The following TACR1 variants were observed in gnomAD, a reference collection of about 807,000 sequenced individuals.
TACR1 encodes the protein tachykinin receptor 1, also known as substance-P receptor.
Under a neutral mutation model 35.8 loss-of-function variants are expected in TACR1, and 25 were observed. The observed-to-expected ratio is 0.70, with a 90% confidence interval of 0.51 to 0.98. TACR1 has a LOEUF of 0.98. Among genes scored for constraint, TACR1 ranks in the 50% least tolerant of loss-of-function variants. The pLI, the probability that TACR1 is intolerant of heterozygous loss-of-function variation, is 0.00. For synonymous variants in TACR1, 195 were observed against 206.7 expected, an observed-to-expected ratio of 0.94 and a Z score of 0.48; for missense variants, 478 against 522.9, an observed-to-expected ratio of 0.91 and a Z score of 0.84.
At chr2:75,161,672 A>C (rs1239719941) in intron 1 of TACR1, among the ~76,000 whole-genome samples, 2 of 152,132 alleles carry the variant, frequency 1.3e-5, no homozygotes, top group Admixed American at 1.3e-4. Flanking sequence ...AGAACAACAA[A>C]TCACCTAAAA....
chr2:75,153,582 G>A (rs1263327102), intron 1 of TACR1, among the ~76,000 whole-genome samples: 1 of 152,100 alleles, frequency 6.6e-6, no homozygotes, highest in Non-Finnish European at 1.5e-5. Flanking sequence ...TTGTTTATAG[G>A]ATCAGGAAAA....
chr2:75,133,324 T>C (rs1377882683), intron 1 of TACR1, among the ~76,000 whole-genome samples: 1 of 152,226 alleles, frequency 6.6e-6, no homozygotes, highest in African/African-American at 2.4e-5. Flanking sequence ...GCTGCTGTCT[T>C]ATTTTTCATT....
Position 75,049,109 on chromosome 2 carries a change from G to A in TACR1, c.*323C>T, listed in dbSNP as rs777189627. ...GCAGCTGTGCTGCAGAATTCATCCT[G>A]AAATGAGCACTCGCATGCAGCCAAA... On this transcript the variant is annotated 3_prime_UTR_variant, in exon 5 of 5. Transcript: ENST00000305249. The A allele has an allele frequency of 2.4e-5, 7 of 293,034 alleles. No homozygotes were observed. Among genetic ancestry groups the A allele is most frequent in the Non-Finnish European group, 3.8e-5 (6 of 157,516 alleles). The allele number at this position is 293,034 out of a possible 1,614,324, so 18.2% of individuals were successfully genotyped here. A position where few individuals can be genotyped will look rare whatever the true frequency, so the allele number is the denominator to read the frequency against.
intron 2 of TACR1, among the ~76,000 whole-genome samples, chr2:75,120,011 C>T (rs1192116342): frequency 1.3e-5 from 2 of 152,196 alleles, no homozygotes; most frequent in Non-Finnish European, 1.5e-5. Flanking sequence ...CAGAGACACA[C>T]TCCCCTGAGG....
chr2:75,132,275 T>A (rs1014617668), intron 1 of TACR1, among the ~76,000 whole-genome samples: 1 of 152,216 alleles, frequency 6.6e-6, no homozygotes, highest in African/African-American at 2.4e-5. Context: ...AACTTAGTTT[T>A]GTCTTCTTAG....
chr2:75,123,574 T>C (rs1219032898), intron 1 of TACR1, among the ~76,000 whole-genome samples: 1 of 152,206 alleles, frequency 6.6e-6, no homozygotes, highest in Non-Finnish European at 1.5e-5. Flanking sequence ...GGAGCCATTT[T>C]AGTGGCAGAT....
intron 1 of TACR1, among the ~76,000 whole-genome samples, chr2:75,136,608 C>G (rs1231981768): frequency 6.6e-6 from 1 of 152,166 alleles, no homozygotes; most frequent in Non-Finnish European, 1.5e-5. Context: ...TGATTCCTGC[C>G]TCATCTTACA....
intron 1 of TACR1, among the ~76,000 whole-genome samples, chr2:75,141,007 A>G (rs1674390638): frequency 6.6e-6 from 1 of 152,260 alleles, no homozygotes; most frequent in Non-Finnish European, 1.5e-5. Flanking sequence ...TCTCATTAAC[A>G]TGGTTACAAA....
intron 1 of TACR1, among the ~76,000 whole-genome samples, chr2:75,134,066 G>A (rs745598436): frequency 2.0e-5 from 3 of 152,080 alleles, no homozygotes; most frequent in African/African-American, 4.8e-5. Context: ...TACCCTGCAC[G>A]GTCTAAAAAG....
intron 1 of TACR1, among the ~76,000 whole-genome samples, chr2:75,172,636 G>T (rs542784154): frequency 5.3e-5 from 8 of 152,142 alleles, no homozygotes; most frequent in Non-Finnish European, 8.8e-5. Flanking sequence ...GTGGGAAAGA[G>T]AATGGAACGA....
intron 4 of TACR1, among the ~76,000 whole-genome samples, chr2:75,050,217 A>G (rs1672439892): frequency 6.6e-6 from 1 of 152,140 alleles, no homozygotes; most frequent in Admixed American, 6.5e-5. Flanking sequence ...AATAGGAAGA[A>G]TTAACCTTTA....
chr2:75,088,945 C>A (rs948411667), intron 2 of TACR1, among the ~76,000 whole-genome samples: 2 of 152,194 alleles, frequency 1.3e-5, no homozygotes, highest in Admixed American at 6.5e-5. Flanking sequence ...GCTGCCCCCA[C>A]CCTCCTGTGA....
intron 2 of TACR1, among the ~76,000 whole-genome samples, chr2:75,104,994 A>T (rs1673611366): frequency 6.6e-6 from 1 of 152,104 alleles, no homozygotes. Context: ...TAAAAAAATT[A>T]AAAATAGAAA....
At chr2:75,185,679 T>C (rs902249407) in intron 1 of TACR1, among the ~76,000 whole-genome samples, 21 of 152,326 alleles carry the variant, frequency 1.4e-4, no homozygotes, top group African/African-American at 5.1e-4. Flanking sequence ...TTGTTAGGAA[T>C]ATGGATAAAG....
At chr2:75,107,391 A>G (rs560985502) in intron 2 of TACR1, among the ~76,000 whole-genome samples, 182 of 152,130 alleles carry the variant, frequency 1.2e-3, no homozygotes, top group African/African-American at 4.2e-3. Context: ...TTGAATCCTC[A>G]TCTGTCTCCA....
chr2:75,174,380 A>G (rs1675363351), intron 1 of TACR1, among the ~76,000 whole-genome samples: 2 of 152,112 alleles, frequency 1.3e-5, no homozygotes, highest in Non-Finnish European at 2.9e-5. Flanking sequence ...TGTTTTTTTG[A>G]TCTGATAACC....
At chr2:75,097,604 G>C (rs1047884683) in intron 2 of TACR1, among the ~76,000 whole-genome samples, 1 of 152,178 alleles carries the variant, frequency 6.6e-6, no homozygotes, top group South Asian at 2.1e-4. Context: ...GACTGTGGGA[G>C]GCTAAGCCAG....
intron 1 of TACR1, among the ~76,000 whole-genome samples, chr2:75,148,223 G>A (rs1306075456): frequency 6.6e-6 from 1 of 152,090 alleles, no homozygotes; most frequent in Non-Finnish European, 1.5e-5. Flanking sequence ...ATATTCCTTT[G>A]GGTATATACC....
At position 75,158,845 on chromosome 2, in the gene TACR1, C is replaced by T. The variant is rs561272277; in HGVS notation, c.390-38077G>A. Among the ~76,000 whole-genome samples the T allele has an allele frequency of 3.9e-5, 6 of 152,262 alleles. No individual in the cohort carries two copies. In the South Asian group the frequency reaches 1.0e-3, roughly 26 times the overall value. On this transcript the variant is annotated intron_variant, in intron 1 of 4. Coordinates refer to ENST00000305249, the MANE Select transcript of TACR1 (RefSeq NM_001058.4). ...GCCTCTGTTCCGAACTCAAACGGTC[C>T]CATGTCCCAGGCCTGGCTCTGCCAC...
Sources: gnomAD v4.1 joint callset for allele counts (sites outside exome capture counted in the v4.1 genomes callset) on GRCh38, gnomAD v4.1.1 for gene constraint, MANE v1.5 for transcripts, NCBI Gene and HGNC (gene_info 2026-07-23, HGNC 2026-07-21) for gene names.